EFCAB5: variants seen among roughly 807,000 people sequenced by gnomAD.
EFCAB5 encodes the protein EF-hand calcium binding domain 5, also known as EF-hand calcium-binding domain-containing protein 5.
In EFCAB5, 131 loss-of-function variants were observed where a neutral mutation model predicts 167.9. The ratio of observed to expected loss-of-function variants is 0.78; its 90% confidence interval spans 0.68 to 0.90. EFCAB5 has a LOEUF of 0.90. EFCAB5 is among the 40% of genes least tolerant of loss of function. The pLI is 0.00. For synonymous variants in EFCAB5, 574 were observed against 602.8 expected (o/e 0.95, Z 0.70); for missense variants, 1,663 against 1,745.2 (o/e 0.95, Z 0.84).
At chr17:30,059,190 T>C (rs757429118) in intron 13 of EFCAB5, 1 of 154,462 alleles carries the variant, frequency 6.5e-6, no homozygotes, top group Non-Finnish European at 1.4e-5. Flanking sequence ...GTTTTTGTTC[T>C]GGCCTAGAAG....
chr17:29,964,998 T>TC (rs1198092394), intron 3 of EFCAB5, among the ~76,000 whole-genome samples: 1 of 151,774 alleles, frequency 6.6e-6, no homozygotes, highest in East Asian at 1.9e-4. Flanking sequence ...GCCTTCCGGG[T>TC]TCACACCATT....
At chr17:29,993,812 GA>G (rs1174728666) in intron 5 of EFCAB5, among the ~76,000 whole-genome samples, 1 of 152,044 alleles carries the variant, frequency 6.6e-6, no homozygotes, top group Non-Finnish European at 1.5e-5. Context: ...CAGACTGGGA[GA>G]AAATATTAGC....
rs984286429 is a variant in EFCAB5, at chr17:29,930,278, C to A, written c.-127+949C>A. 1.5e-5 allele frequency: 7 copies of A among 479,036 alleles called. No homozygotes were observed. In the East Asian group the frequency reaches 1.5e-4, roughly 10 times the overall value. 29.7% of individuals were successfully genotyped at this position (479,036 alleles called of 1,614,324 possible). Reference sequence around the variant, plus strand: ...ACCTGTCAGCTACCGCCTCTCCCCTCGGCGCGCGCCGCCGCCTGGTCGTAA... The same window carrying A: ...ACCTGTCAGCTACCGCCTCTCCCCTAGGCGCGCGCCGCCGCCTGGTCGTAA... On this transcript the variant is annotated intron_variant, in intron 1 of 3. Coordinates refer to the EFCAB5 transcript ENST00000448319.
At position 30,059,337 on chromosome 17, in the gene EFCAB5, C is replaced by T. The variant is rs141424630; in HGVS notation, c.2581-208C>T. On this transcript the variant is annotated intron_variant, in intron 13 of 22. Transcript: ENST00000394835. ...CTGGTCTCCAACTCCCGGCCTCAAG[C>T]GATACTCCTGCCTCAGCCTCTTGAG... 8.9e-4 allele frequency: 337 copies of T among 380,076 alleles called. 4 individuals carry two copies. In the East Asian group the frequency reaches 0.014, roughly 15 times the overall value. The allele number at this position is 380,076 out of a possible 1,614,324, so 23.5% of individuals were successfully genotyped here.
chr17:30,095,575 C>A (rs780316916), intron 22 of EFCAB5, among the ~76,000 whole-genome samples: 18 of 152,302 alleles, frequency 1.2e-4, no homozygotes, highest in Non-Finnish European at 1.0e-4. Flanking sequence ...ACGCTCCCTG[C>A]AACTCCATTA....
At chr17:29,937,994 GTA>G (rs2067260062), upstream of EFCAB5, among the ~76,000 whole-genome samples, 1 of 152,214 alleles carries the variant, frequency 6.6e-6, no homozygotes, top group African/African-American at 2.4e-5. Flanking sequence ...AGATTTTTCA[GTA>G]TATACTAGTG....
intron 7 of EFCAB5, among the ~76,000 whole-genome samples, chr17:30,004,200 A>G (rs2068726691): frequency 6.6e-6 from 1 of 152,232 alleles, no homozygotes; most frequent in South Asian, 2.1e-4. Flanking sequence ...AGGCATGCCC[A>G]GGCAAGACCC....
At chr17:29,982,678 G>C (rs1235526740) in intron 4 of EFCAB5, among the ~76,000 whole-genome samples, 1 of 152,124 alleles carries the variant, frequency 6.6e-6, no homozygotes, top group African/African-American at 2.4e-5. Context: ...AGTTTTTAGT[G>C]GTCAAGAAAG....
rs2069560529 is a variant in EFCAB5 at position 30,034,316 on chromosome 17, G to A, written c.1131G>A (p.Arg377=). Reference sequence around the variant, plus strand: ...TTTGCCACTCTGCAGATGAATTTCGGGAGGTCATAAAAGCTGACATGCGGA... The same window carrying A: ...TTTGCCACTCTGCAGATGAATTTCGAGAGGTCATAAAAGCTGACATGCGGA... ...KHLCHSADEF[R]EVIKADMRRQ... The change falls in exon 8 of 23, where the codon CGG becomes CGA. Residue 377 remains arginine, a synonymous_variant. Coordinates refer to ENST00000394835, the MANE Select transcript of EFCAB5 (RefSeq NM_198529.4). 6.2e-7 allele frequency: 1 copy of A among 1,613,682 alleles called. No individual in the cohort carries two copies. The highest frequency in any genetic ancestry group is 1.7e-5 in the Admixed American group (1 of 59,970).
chr17:29,983,202 T>C (rs1421933227), intron 4 of EFCAB5, among the ~76,000 whole-genome samples: 1 of 152,204 alleles, frequency 6.6e-6, no homozygotes, highest in Non-Finnish European at 1.5e-5. Flanking sequence ...CAACCAAAAG[T>C]GATGACCTCA....
In EFCAB5 at chr17:30,053,726, T is replaced by G. The variant is rs1288790374; in HGVS notation, c.1772T>G (p.Val591Gly). The G allele has an allele frequency of 6.2e-7, 1 of 1,612,628 alleles. No homozygotes were observed. Among genetic ancestry groups the G allele is most frequent in the Non-Finnish European group, 8.5e-7 (1 of 1,179,538 alleles). ...GSIEGQGPRRVSVSEQGSSRE... is the reference protein window; with the variant it reads ...GSIEGQGPRRGSVSEQGSSRE... ...ATAGAAGGACAAGGACCACGCAGAG[T>G]GTCAGTTTCAGAACAAGGATCAAGC... Residue 591 changes from valine (V) to glycine (G), a missense_variant, in exon 10 of 23, where the codon GTG becomes GGG. Val to Gly is a moderately radical substitution (Grantham distance 109, BLOSUM62 -3). Transcript: ENST00000394835.
intron 6 of EFCAB5, among the ~76,000 whole-genome samples, chr17:29,996,955 T>G (rs1195320328): frequency 2.0e-5 from 3 of 152,082 alleles, no homozygotes; most frequent in Non-Finnish European, 4.4e-5. Flanking sequence ...GGATTAAGAC[T>G]TCTTCAGAGG....
At chr17:30,054,169 C>T in intron 10 of EFCAB5, 21 bp downstream of exon 10, 1 of 1,503,618 alleles carries the variant, frequency 6.7e-7, no homozygotes, top group Non-Finnish European at 8.9e-7. Context: ...AGTTCTTCTA[C>T]AACATCAGTT....
chr17:30,091,789 G>T, intron 20 of EFCAB5, 82 bp from the exon 21 acceptor site: 1 of 1,477,876 alleles, frequency 6.8e-7, no homozygotes, highest in Non-Finnish European at 9.2e-7. Flanking sequence ...ACTATAATAT[G>T]TTCAGAATCC....
chr17:29,946,659 C>G (rs942717156), intron 3 of EFCAB5, among the ~76,000 whole-genome samples: 1 of 151,618 alleles, frequency 6.6e-6, no homozygotes, highest in Non-Finnish European at 1.5e-5. Flanking sequence ...AGGATGGTCT[C>G]GATCTCCTGA....
chr17:30,023,279 A>G (rs1350619278), intron 7 of EFCAB5, among the ~76,000 whole-genome samples: 1 of 152,168 alleles, frequency 6.6e-6, no homozygotes, highest in Non-Finnish European at 1.5e-5. Context: ...TTGATAGAGC[A>G]CTAGCAAGAC....
intron 20 of EFCAB5, 34 bp downstream of exon 20, chr17:30,090,708 G>T (rs750978689): frequency 4.4e-6 from 7 of 1,573,632 alleles, no homozygotes; most frequent in Non-Finnish European, 6.0e-6. Flanking sequence ...TAAATTCACA[G>T]GTTTAATAGG....
rs765078458 is a variant in EFCAB5 at position 30,053,527 on chromosome 17, GAAC to G, written c.1582_1584del (p.Gln528del). 4 of 1,613,676 alleles carry G rather than the reference GAAC, an allele frequency of 2.5e-6. No homozygotes were observed. Among genetic ancestry groups the G allele is most frequent in the Non-Finnish European group, 3.4e-6 (4 of 1,179,818 alleles). Reference sequence around the variant, plus strand: ...AGGACCACAAAGAATTTCAATTGAAGAACAACAACAAGGCAAAAAGCCAACTGC... The same window carrying G: ...AGGACCACAAAGAATTTCAATTGAAGAACAACAAGGCAAAAAGCCAACTGC... On this transcript the variant is annotated inframe_deletion, in exon 10 of 23. Transcript: ENST00000394835.
At chr17:30,073,760 C>T in intron 14 of EFCAB5, 1 of 663,746 alleles carries the variant, frequency 1.5e-6, no homozygotes, top group South Asian at 1.7e-5. Flanking sequence ...GCATCCCATA[C>T]TCCTATCAAG....
Sources: allele counts gnomAD v4.1 joint callset (sites outside exome capture counted in the v4.1 genomes callset), GRCh38; gene constraint gnomAD v4.1.1; transcripts MANE v1.5; gene names NCBI Gene and HGNC (gene_info 2026-07-23, HGNC 2026-07-21).